The following SH2D4A variants were observed in gnomAD, a reference collection of about 807,000 sequenced individuals.
SH2D4A encodes the protein SH2 domain-containing protein 4A.
In SH2D4A, 70 loss-of-function variants were observed where a neutral mutation model predicts 64.7. The observed-to-expected ratio is 1.08, with a 90% CI of 0.89 to 1.32. The LOEUF (loss-of-function observed/expected upper bound fraction) is 1.32. SH2D4A is among the 40% of genes most tolerant of loss of function. SH2D4A has a pLI of 0.00. For synonymous variants in SH2D4A, 268 were observed against 200.7 expected (o/e 1.34, Z -2.83); for missense variants, 706 against 540.1 (o/e 1.31, Z -3.04).
At chr8:19,339,101 T>A (rs2052487778) in intron 4 of SH2D4A, among the ~76,000 whole-genome samples, 1 of 152,126 alleles carries the variant, frequency 6.6e-6, no homozygotes, top group Non-Finnish European at 1.5e-5. Context: ...CTGGCATAAA[T>A]CCAAGAGTCC....
chr8:19,390,146 C>T (rs192407335), intron 8 of SH2D4A, among the ~76,000 whole-genome samples: 5 of 152,182 alleles, frequency 3.3e-5, no homozygotes, highest in African/African-American at 7.2e-5. Context: ...TTTGGGAGGC[C>T]GAGGTGGGCA....
At chr8:19,360,733 T>A (rs1037247045) in intron 5 of SH2D4A, 6 of 152,266 alleles carry the variant, frequency 3.9e-5, no homozygotes, top group African/African-American at 1.4e-4. Context: ...GGAATGTGCA[T>A]TTCTTCTGTG....
rs1257571135 is a variant in SH2D4A at position 19,333,117 on chromosome 8, A to G, written c.341+3A>G. 6.2e-6 allele frequency: 10 copies of G among 1,605,532 alleles called. No homozygotes were observed. The East Asian group carries it at 2.0e-4, about 32-fold the overall frequency. ...GAACAGGAGGCAGAAGAGCCCAGGT[A>G]TGAGATCTGCAAACCAACCAGAGAC... is the stretch of plus-strand genomic sequence containing the variant. On this transcript the variant is annotated splice_donor_region_variant and intron_variant, in intron 3 of 9. Coordinates refer to ENST00000265807, the MANE Select transcript of SH2D4A (RefSeq NM_022071.4).
intron 3 of SH2D4A, among the ~76,000 whole-genome samples, chr8:19,333,979 C>T (rs936009342): frequency 3.3e-5 from 5 of 152,174 alleles, no homozygotes; most frequent in Non-Finnish European, 7.4e-5. Flanking sequence ...GAGTTTGGAA[C>T]TTATTCTCTG....
At chr8:19,369,247 G>C (rs921933559) in intron 7 of SH2D4A, among the ~76,000 whole-genome samples, 17 of 152,024 alleles carry the variant, frequency 1.1e-4, no homozygotes, top group African/African-American at 4.1e-4. Flanking sequence ...TTTTGTTGTG[G>C]ATTTTTGTAT....
intron 1 of SH2D4A, 43 bp downstream of exon 1, chr8:19,313,866 T>G: frequency 7.0e-7 from 1 of 1,429,476 alleles, no homozygotes; most frequent in East Asian, 3.0e-5. Context: ...AGAGTGTGCG[T>G]GGGGTGGGAG....
chr8:19,369,120 G>C (rs1357208440), intron 7 of SH2D4A, among the ~76,000 whole-genome samples: 1 of 152,108 alleles, frequency 6.6e-6, no homozygotes, highest in Non-Finnish European at 1.5e-5. Context: ...CTGTTAATGT[G>C]ATGTGTCATG....
chr8:19,340,867 G>A (rs906749706), intron 4 of SH2D4A, among the ~76,000 whole-genome samples: 2 of 152,088 alleles, frequency 1.3e-5, no homozygotes, highest in Admixed American at 6.6e-5. Context: ...CAGAGTGCTG[G>A]AATTACAGGT....
At chr8:19,329,273 G>T (rs2052333045) in intron 2 of SH2D4A, among the ~76,000 whole-genome samples, 1 of 152,036 alleles carries the variant, frequency 6.6e-6, no homozygotes, top group African/African-American at 2.4e-5. Flanking sequence ...ATCCTCACTG[G>T]ACTTAGTAGA....
rs372819232 is a variant in SH2D4A at position 19,394,559 on chromosome 8, A to G, written c.1282A>G (p.Ile428Val). ...GCCTTCTGATTGACAGGAGGAACCC[A>G]TCACTTCCCTGGGGAAGGAGCTCCT... Reference protein sequence around the residue: ...DLVEYHKEEPITSLGKELLLY... With the variant: ...DLVEYHKEEPVTSLGKELLLY... Residue 428 changes from isoleucine to valine, a missense_variant, in exon 10 of 10, where the codon ATC (isoleucine) becomes GTC (valine). By Grantham distance (29) the Ile-to-Val change is conservative (BLOSUM62 3). Transcript: ENST00000265807. 9 of 1,606,390 alleles carry G rather than the reference A, an allele frequency of 5.6e-6. No homozygotes were observed. In the African/African-American group the frequency reaches 6.7e-5, roughly 12 times the overall value.
At chr8:19,384,714 A>G (rs1187754555) in intron 8 of SH2D4A, among the ~76,000 whole-genome samples, 1 of 152,170 alleles carries the variant, frequency 6.6e-6, no homozygotes, top group Non-Finnish European at 1.5e-5. Context: ...CATTTTACCC[A>G]CTAACATGCT....
chr8:19,384,291 G>C (rs2053347373), intron 8 of SH2D4A, among the ~76,000 whole-genome samples: 1 of 152,200 alleles, frequency 6.6e-6, no homozygotes. Flanking sequence ...GCAGGTTAAG[G>C]TTGAGCTTGG....
rs762192516 is a variant in SH2D4A, at chr8:19,393,290, A to G, written c.1049-28A>G. On this transcript the variant is annotated intron_variant, in intron 8 of 9. Transcript: ENST00000265807. ...GATTTTCTGGAATGATTTGGCTGAA[A>G]TACCTGCCTTTTTTTGCTTTGCCAC... The G allele has an allele frequency of 3.1e-6, 5 of 1,609,614 alleles. 1 individual carries two copies. The South Asian group carries it at 4.4e-5, about 14-fold the overall frequency.
At chr8:19,393,937 A>G (rs1563217549) in intron 9 of SH2D4A, among the ~76,000 whole-genome samples, 1 of 152,196 alleles carries the variant, frequency 6.6e-6, no homozygotes, top group African/African-American at 2.4e-5. Context: ...TTGATTGTGC[A>G]TTTTATTATT....
At chr8:19,350,044 C>T (rs192253111) in intron 4 of SH2D4A, among the ~76,000 whole-genome samples, 15 of 152,282 alleles carry the variant, frequency 9.9e-5, no homozygotes, top group Admixed American at 3.9e-4. Context: ...GTTTTGTGTT[C>T]CATTTCATCA....
At chr8:19,353,975 G>A (rs939931023) in intron 4 of SH2D4A, among the ~76,000 whole-genome samples, 2 of 147,852 alleles carry the variant, frequency 1.4e-5, no homozygotes, top group Non-Finnish European at 3.0e-5. Context: ...TTCATCTCTC[G>A]AGTGGTTTTT....
intron 4 of SH2D4A, among the ~76,000 whole-genome samples, chr8:19,346,567 T>C (rs1270873507): frequency 1.3e-5 from 2 of 152,320 alleles, no homozygotes; most frequent in South Asian, 2.1e-4. Context: ...ATAAATGTAA[T>C]GCACTTGAAT....
At position 19,319,738 on chromosome 8, in the gene SH2D4A, T is replaced by A. The variant is rs779185428; in HGVS notation, c.181+10T>A. 6.4e-7 allele frequency: 1 copy of A among 1,560,228 alleles called. No individual in the cohort carries two copies. The highest frequency in any genetic ancestry group is 2.0e-5 in the Admixed American group (1 of 49,788). ...CCCAGACCAAAGAAAGGTAAACTTATCCACGTTTCTTCTGTGGATGTGTTG... is the reference window on the plus strand; with the variant it reads ...CCCAGACCAAAGAAAGGTAAACTTAACCACGTTTCTTCTGTGGATGTGTTG... On this transcript the variant is annotated intron_variant, in intron 2 of 9. Transcript: ENST00000265807.
chr8:19,313,711 T>G lies in SH2D4A; in HGVS notation c.-317T>G. 1 of 1,486,084 alleles carries G rather than the reference T, an allele frequency of 6.7e-7. No homozygotes were observed. 92.1% of individuals were successfully genotyped at this position (1,486,084 alleles called of 1,614,324 possible). A position where few individuals can be genotyped will look rare whatever the true frequency, so the allele number is the denominator to read the frequency against. On this transcript the variant is annotated 5_prime_UTR_variant, in exon 1 of 10. Transcript: ENST00000265807. ...GGCCGGAGTATTTGCTCAGCCCGCC[T>G]GCGCCGCTTGGGACGCCTCTGCCTT...
Sources: allele counts gnomAD v4.1 joint callset (sites outside exome capture counted in the v4.1 genomes callset), GRCh38; gene constraint gnomAD v4.1.1; transcripts MANE v1.5; gene names NCBI Gene and HGNC (gene_info 2026-07-23, HGNC 2026-07-21).